Variants in DLGAP2 observed in about 807,000 individuals in gnomAD.
DLGAP2 encodes DLG associated protein 2, also known as disks large-associated protein 2.
DLGAP2 carries 26 observed loss-of-function variants against 100.3 expected under a neutral mutation model. The observed-to-expected ratio is 0.26, with a 90% CI of 0.19 to 0.36. The LOEUF (loss-of-function observed/expected upper bound fraction) is 0.36. Among genes scored for constraint, DLGAP2 ranks in the 10% least tolerant of loss-of-function variants. The pLI is 1.00. For missense variants in DLGAP2, 1,858 were observed against 1,453.2 expected, an observed-to-expected ratio of 1.28 and a Z score of -4.53; for synonymous variants, 886 against 630.1, an observed-to-expected ratio of 1.41 and a Z score of -6.08.
rs138615419 is a variant in DLGAP2, at chr8:1,340,133, C to A, written c.106+81250C>A. Among the ~76,000 whole-genome samples the A allele has an allele frequency of 2.2e-4, 33 of 152,142 alleles. No individual in the cohort carries two copies. The East Asian group carries it at 5.6e-3, about 26-fold the overall frequency. On this transcript the variant is annotated intron_variant, in intron 3 of 14. Transcript: ENST00000637795. ...TTTAAAACCCAAAACTATAAAAATCCCAGAAGAAAACCTAGGCAGTACCAT... is the reference window on the plus strand; with the variant it reads ...TTTAAAACCCAAAACTATAAAAATCACAGAAGAAAACCTAGGCAGTACCAT...
intron 1 of DLGAP2, among the ~76,000 whole-genome samples, chr8:875,153 C>T (rs968537983): frequency 2.0e-5 from 3 of 152,158 alleles, no homozygotes; most frequent in Non-Finnish European, 4.4e-5. Context: ...TAAAGTGTAT[C>T]TCCACTAGGC....
At chr8:1,047,273 C>T (rs1462621776) in intron 2 of DLGAP2, among the ~76,000 whole-genome samples, 2 of 152,178 alleles carry the variant, frequency 1.3e-5, no homozygotes, top group African/African-American at 4.8e-5. Context: ...TTTCACTTAG[C>T]AAGGTTGTCA....
intron 2 of DLGAP2, among the ~76,000 whole-genome samples, chr8:1,222,088 C>A (rs1798325078): frequency 6.6e-6 from 1 of 152,134 alleles, no homozygotes; most frequent in Non-Finnish European, 1.5e-5. Context: ...TTGTTTCAGC[C>A]ATTTCAATCT....
intron 12 of DLGAP2, among the ~76,000 whole-genome samples, chr8:1,690,343 G>A (rs146432911): frequency 1.6e-4 from 24 of 151,724 alleles, no homozygotes; most frequent in South Asian, 6.2e-4. Context: ...GTGACAGAGC[G>A]AGACTCCATC....
intron 8 of DLGAP2, among the ~76,000 whole-genome samples, chr8:1,640,101 T>C (rs1797861570): frequency 6.6e-6 from 1 of 152,228 alleles, no homozygotes; most frequent in African/African-American, 2.4e-5. Flanking sequence ...AGGTCTTCTC[T>C]GAAACCGAGC....
rs556778345 is a variant in DLGAP2 at position 1,258,855 on chromosome 8, G to A, written c.78G>A (p.Ser26=). The A allele has an allele frequency of 7.7e-4, 954 of 1,231,706 alleles. 17 individuals are homozygous for A. The South Asian group carries it at 0.032, about 41-fold the overall frequency. The allele number at this position is 1,231,706 out of a possible 1,614,324, so 76.3% of individuals were successfully genotyped here. Residue 26 remains serine (S), a synonymous_variant, in exon 3 of 15, where the codon TCG becomes TCA. Transcript: ENST00000637795. ...TCTCTCTGTCTCTGTTTTCAGAGTC[G>A]CAGTGCACGCTCTGCGGGGAGCCGG... The part of the protein sequence containing the change: ...CCILPDRNTE[S]QCTLCGEPEE...
chr8:1,341,738 TAGC>T (rs1192528158), intron 3 of DLGAP2, among the ~76,000 whole-genome samples: 1 of 152,162 alleles, frequency 6.6e-6, no homozygotes, highest in African/African-American at 2.4e-5. Flanking sequence ...TTGGGCACGT[TAGC>T]AGGGTGTGCT....
chr8:1,190,980 C>T (rs1275725227), intron 2 of DLGAP2, among the ~76,000 whole-genome samples: 1 of 152,156 alleles, frequency 6.6e-6, no homozygotes, highest in Admixed American at 6.5e-5. Context: ...GTGGGTGAGG[C>T]TTGGACCAAT....
rs1441572425 is a variant in DLGAP2 at position 1,175,718 on chromosome 8, T to C, written c.74-83133T>C. On this transcript the variant is annotated intron_variant, in intron 2 of 14. Transcript: ENST00000637795. ...GATATCAGCACCTTTAAGAGCTCAA[T>C]TCTTGACCTGCTCTGTGTGAATGAA... is the stretch of plus-strand genomic sequence containing the variant. 2.0e-5 allele frequency among the ~76,000 whole-genome samples: 3 copies of C among 152,342 alleles called. No individual in the cohort carries two copies. The South Asian group carries it at 6.2e-4, about 32-fold the overall frequency.
intron 6 of DLGAP2, among the ~76,000 whole-genome samples, chr8:1,589,358 A>G (rs1214950594): frequency 2.0e-5 from 3 of 152,186 alleles, no homozygotes; most frequent in African/African-American, 7.2e-5. Context: ...CTTTTCAGCT[A>G]TGAGTGGAAC....
At chr8:1,012,316 C>T (rs1386333909) in intron 2 of DLGAP2, among the ~76,000 whole-genome samples, 1 of 152,210 alleles carries the variant, frequency 6.6e-6, no homozygotes, top group Non-Finnish European at 1.5e-5. Context: ...AAATAGAAGA[C>T]GAAGAACGCA....
intron 2 of DLGAP2, among the ~76,000 whole-genome samples, chr8:947,206 C>A (rs1044462726): frequency 6.6e-6 from 1 of 152,148 alleles, no homozygotes; most frequent in Non-Finnish European, 1.5e-5. Context: ...CCCAGGAGCC[C>A]GGGGAGCTGC....
chr8:1,568,603 A>G (rs1802516175), intron 6 of DLGAP2, among the ~76,000 whole-genome samples: 1 of 123,930 alleles, frequency 8.1e-6, no homozygotes, highest in African/African-American at 3.2e-5. Context: ...CGTGGCCCCC[A>G]TGCCACTGTT....
intron 2 of DLGAP2, among the ~76,000 whole-genome samples, chr8:1,243,366 C>A (rs1356842149): frequency 6.6e-6 from 1 of 152,170 alleles, no homozygotes; most frequent in Non-Finnish European, 1.5e-5. Context: ...ATGCATACAC[C>A]TACAAACCCA....
chr8:1,508,803 C>CCGGGGAAGA (rs1363577993), intron 4 of DLGAP2, among the ~76,000 whole-genome samples: 36 of 151,678 alleles, frequency 2.4e-4, no homozygotes, highest in Middle Eastern at 3.4e-3. Flanking sequence ...GACTAAGCGC[C>CCGGGGAAGA]CGGGGAAGAC....
At chr8:1,107,030 C>T (rs1394393179) in intron 2 of DLGAP2, among the ~76,000 whole-genome samples, 4 of 152,154 alleles carry the variant, frequency 2.6e-5, no homozygotes, top group Non-Finnish European at 5.9e-5. Context: ...CAGCATCTAG[C>T]AGGCAGCAGT....
chr8:870,076 A>T (rs77500185), intron 1 of DLGAP2, among the ~76,000 whole-genome samples: 10,532 of 151,610 alleles, frequency 0.069, 767 homozygotes, highest in Admixed American at 0.22. Context: ...CTTATTGTAC[A>T]TTTAACCATT....
At chr8:1,555,222 C>T (rs941111798) in intron 5 of DLGAP2, among the ~76,000 whole-genome samples, 28 of 152,242 alleles carry the variant, frequency 1.8e-4, no homozygotes, top group Middle Eastern at 3.4e-3. Context: ...ACAATCCTTC[C>T]GCAGCCCCTC....
intron 2 of DLGAP2, among the ~76,000 whole-genome samples, chr8:1,029,105 A>C (rs917165594): frequency 6.6e-6 from 1 of 152,192 alleles, no homozygotes; most frequent in Non-Finnish European, 1.5e-5. Context: ...CTGCAGGTGC[A>C]GGGGGAGGAG....
Sources: gnomAD v4.1 joint callset for allele counts (sites outside exome capture counted in the v4.1 genomes callset) on GRCh38, gnomAD v4.1.1 for gene constraint, MANE v1.5 for transcripts, NCBI Gene and HGNC (gene_info 2026-07-23, HGNC 2026-07-21) for gene names.